DNAJC13: variants seen among roughly 807,000 people sequenced by gnomAD.
DNAJC13 encodes DnaJ heat shock protein family (Hsp40) member C13.
DNAJC13 carries 75 observed loss-of-function variants against 290.5 expected under a neutral mutation model. The ratio of observed to expected loss-of-function variants is 0.26; its 90% confidence interval spans 0.21 to 0.31. DNAJC13 has a LOEUF of 0.31. DNAJC13 is among the 10% of genes least tolerant of loss of function. DNAJC13 has a pLI of 1.00. For synonymous variants in DNAJC13, 862 were observed against 892.0 expected, an observed-to-expected ratio of 0.97 and a Z score of 0.60; for missense variants, 2,260 against 2,674.5, an observed-to-expected ratio of 0.85 and a Z score of 3.42.
intron 33 of DNAJC13, among the ~76,000 whole-genome samples, chr3:132,493,854 T>A (rs1280910140): frequency 2.0e-5 from 3 of 152,004 alleles, no homozygotes; most frequent in Non-Finnish European, 2.9e-5. Flanking sequence ...TAAAAAAAAA[T>A]AAATCTTAAT....
At chr3:132,471,088 C>T (rs1161586013) in intron 20 of DNAJC13, among the ~76,000 whole-genome samples, 8 of 138,474 alleles carry the variant, frequency 5.8e-5, no homozygotes, top group South Asian at 2.3e-4. Context: ...ACCTCCCTCC[C>T]GGACGGGGCG....
At chr3:132,466,261 T>C in intron 18 of DNAJC13, 38 bp from the exon 19 acceptor site, 1 of 1,558,496 alleles carries the variant, frequency 6.4e-7, no homozygotes, top group Non-Finnish European at 8.6e-7. Flanking sequence ...TAAATTTTCT[T>C]TTTCACATTG....
intron 6 of DNAJC13, among the ~76,000 whole-genome samples, 199 bp downstream of exon 6, chr3:132,451,046 G>A (rs1288229746): frequency 3.3e-5 from 5 of 152,160 alleles, no homozygotes; most frequent in Non-Finnish European, 7.3e-5. Flanking sequence ...TGAGGATCTG[G>A]TGAGATAATT....
In DNAJC13 at chr3:132,427,637, A is replaced by T. The variant is rs546295495; in HGVS notation, c.-13-6901A>T. Among the ~76,000 whole-genome samples the T allele has an allele frequency of 3.9e-5, 6 of 152,324 alleles. No individual in the cohort carries two copies. The South Asian group carries it at 1.2e-3, about 32-fold the overall frequency. ...GAACACTGTACTTTTGAAGGTGAAC[A>T]TTCTAGGTGATATCTATTGCATACT... On this transcript the variant is annotated intron_variant, in intron 1 of 55. Coordinates refer to ENST00000260818, the MANE Select transcript of DNAJC13 (RefSeq NM_015268.4).
In DNAJC13 at chr3:132,490,449, A is replaced by G. The variant is rs77942936; in HGVS notation, c.3469-448A>G. Among the ~76,000 whole-genome samples, 454 of 152,304 alleles carry G rather than the reference A, an allele frequency of 3.0e-3. 1 individual carries two copies. The highest frequency in any genetic ancestry group is 0.011 in the African/African-American group (437 of 41,552). ...GAAATTCTCCATCTAAATCCTAGCT[A>G]CATTTCATGAGGACAGGCTCTTAAT... On this transcript the variant is annotated intron_variant, in intron 31 of 55. Coordinates refer to ENST00000260818, the MANE Select transcript of DNAJC13 (RefSeq NM_015268.4).
chr3:132,478,952 C>T (rs1258369473), intron 24 of DNAJC13, among the ~76,000 whole-genome samples: 1 of 152,144 alleles, frequency 6.6e-6, no homozygotes, highest in Non-Finnish European at 1.5e-5. Flanking sequence ...ATTTCACTTA[C>T]TTCAATTTTT....
intron 2 of DNAJC13, among the ~76,000 whole-genome samples, chr3:132,443,515 T>G (rs1054719187): frequency 6.6e-6 from 1 of 152,254 alleles, no homozygotes; most frequent in East Asian, 1.9e-4. Flanking sequence ...ACATTTTAGA[T>G]ATTTTCATCT....
intron 13 of DNAJC13, 87 bp downstream of exon 13, chr3:132,457,455 A>C (rs766701241): frequency 3.9e-6 from 4 of 1,037,514 alleles, no homozygotes; most frequent in Non-Finnish European, 5.8e-6. Context: ...TCATTGTACC[A>C]ATAAGTTCTT....
intron 1 of DNAJC13, among the ~76,000 whole-genome samples, chr3:132,427,090 T>TGTGTGTGTGTGCAC (rs1489835004): frequency 1.1e-4 from 16 of 149,412 alleles, no homozygotes; most frequent in Admixed American, 3.4e-4. Flanking sequence ...TGTGTGTGTG[T>TGTGTGTGTGTGCAC]GTGTGTGTGT....
At chr3:132,450,145 G>C (rs1933377131) in intron 5 of DNAJC13, among the ~76,000 whole-genome samples, 1 of 151,616 alleles carries the variant, frequency 6.6e-6, no homozygotes, top group Non-Finnish European at 1.5e-5. Context: ...TCAAATACAG[G>C]CCTCAGCTTT....
chr3:132,527,479 G>T (rs1936297061), intron 53 of DNAJC13, among the ~76,000 whole-genome samples: 1 of 152,164 alleles, frequency 6.6e-6, no homozygotes, highest in South Asian at 2.1e-4. Flanking sequence ...ACTTATGATT[G>T]GCTTGAGGAG....
intron 43 of DNAJC13, among the ~76,000 whole-genome samples, chr3:132,509,270 A>G (rs1935698517): frequency 6.6e-6 from 1 of 152,220 alleles, no homozygotes; most frequent in African/African-American, 2.4e-5. Context: ...GATGACTTTG[A>G]GAAGTTCAAG....
Position 132,472,450 on chromosome 3 carries a change from A to G in DNAJC13, c.2209-695A>G, listed in dbSNP as rs143213537. The G allele has an allele frequency of 5.9e-4, 364 of 615,514 alleles. No homozygotes were observed. The African/African-American group carries it at 6.9e-3, about 12-fold the overall frequency. 38.1% of individuals were successfully genotyped at this position (615,514 alleles called of 1,614,324 possible). A position where few individuals can be genotyped will look rare whatever the true frequency, so the allele number is the denominator to read the frequency against. ...GCAGGTGCACCTATTTTAGTCTTAA[A>G]GTAAAGATAATTTTGTATTGATGTG... On this transcript the variant is annotated intron_variant, in intron 20 of 55. Transcript: ENST00000260818.
chr3:132,461,970 A>C (rs2107674396), intron 15 of DNAJC13, among the ~76,000 whole-genome samples: 1 of 152,212 alleles, frequency 6.6e-6, no homozygotes, highest in East Asian at 1.9e-4. Flanking sequence ...TGGGATTACA[A>C]ACATGACCCA....
chr3:132,433,376 A>G (rs1198150337), intron 1 of DNAJC13, among the ~76,000 whole-genome samples: 1 of 152,124 alleles, frequency 6.6e-6, no homozygotes, highest in Non-Finnish European at 1.5e-5. Flanking sequence ...ACACTACTCA[A>G]TAGTGTTATT....
intron 40 of DNAJC13, among the ~76,000 whole-genome samples, chr3:132,502,981 G>T (rs966692559): frequency 2.6e-5 from 4 of 152,146 alleles, no homozygotes; most frequent in Non-Finnish European, 5.9e-5. Flanking sequence ...GAGATATACT[G>T]CATTGGGTAT....
intron 21 of DNAJC13, among the ~76,000 whole-genome samples, chr3:132,473,660 C>T (rs988851651): frequency 5.3e-5 from 8 of 151,916 alleles, no homozygotes; most frequent in African/African-American, 1.9e-4. Context: ...CCAATCTCAC[C>T]CTTACCCTGC....
chr3:132,436,877 A>C lies in DNAJC13; in HGVS notation c.68+2259A>C, dbSNP rs185777821. On this transcript the variant is annotated intron_variant, in intron 2 of 55. Transcript: ENST00000260818. ...CACTGTAACTAAAAAAATTTTTTTT[A>C]TTTTACTTTTTTTTTTTTTTCTTTT... Among the ~76,000 whole-genome samples the C allele has an allele frequency of 3.5e-3, 502 of 144,044 alleles. 2 individuals carry two copies. Among genetic ancestry groups the C allele is most frequent in the Middle Eastern group, 0.011 (3 of 276 alleles). 94.5% of individuals were successfully genotyped at this position (144,044 alleles called of 152,430 possible).
At position 132,516,768 on chromosome 3, in the gene DNAJC13, A is replaced by T; in HGVS notation, c.5625A>T (p.Thr1875=). 2 of 1,613,676 alleles carry T rather than the reference A, an allele frequency of 1.2e-6. No individual in the cohort carries two copies. The highest frequency in any genetic ancestry group is 1.7e-6 in the Non-Finnish European group (2 of 1,179,676). The part of the protein sequence containing the change: ...NSTHPQVRAQ[T]AELFAKMTAD... The stretch of plus-strand genomic sequence containing the variant: ...CACATCCACAGGTTCGAGCCCAAAC[A>T]GCAGAACTTTTTGCCAAAATGACAG... The change falls in exon 48 of 56, where the codon ACA becomes ACT. Residue 1875 remains threonine (T), a synonymous_variant. Transcript: ENST00000260818.
Sources: gnomAD v4.1 joint callset for allele counts (sites outside exome capture counted in the v4.1 genomes callset) on GRCh38, gnomAD v4.1.1 for gene constraint, MANE v1.5 for transcripts, NCBI Gene and HGNC (gene_info 2026-07-23, HGNC 2026-07-21) for gene names.